BNIP2: variants seen among roughly 807,000 people sequenced by gnomAD.
BNIP2 encodes the protein BCL2/adenovirus E1B 19 kDa protein-interacting protein 2.
BNIP2 carries 36 observed loss-of-function variants against 43.4 expected under a neutral mutation model. That is an observed-to-expected ratio of 0.83 (90% CI 0.64 to 1.10). The LOEUF is 1.10. BNIP2 is among the 50% of genes least tolerant of loss of function. BNIP2 has a pLI of 0.00. For synonymous variants in BNIP2, 146 were observed against 121.0 expected, an observed-to-expected ratio of 1.21 and a Z score of -1.35; for missense variants, 417 against 374.1, an observed-to-expected ratio of 1.11 and a Z score of -0.95.
chr15:59,673,897 T>A (rs1476261749), intron 5 of BNIP2, among the ~76,000 whole-genome samples: 1 of 152,072 alleles, frequency 6.6e-6, no homozygotes, highest in Non-Finnish European at 1.5e-5. Context: ...GAGACCAGCC[T>A]GGCCAACATG....
intron 1 of BNIP2, 111 bp from the exon 2 acceptor site, chr15:59,682,625 G>A (rs1408657580): frequency 1.3e-6 from 1 of 777,876 alleles, no homozygotes; most frequent in Non-Finnish European, 1.9e-6. Flanking sequence ...ACAATGGTCT[G>A]GTCATGAAAT....
At chr15:59,668,786 A>G (rs1240321983) in intron 9 of BNIP2, 106 bp downstream of exon 9, 40 of 1,011,658 alleles carry the variant, frequency 4.0e-5, no homozygotes, top group Non-Finnish European at 5.4e-5. Context: ...GCGCGCGCGC[A>G]CAGTTATAAA....
intron 2 of BNIP2, 57 bp from the exon 3 acceptor site, chr15:59,680,365 A>C: frequency 7.6e-7 from 1 of 1,309,358 alleles, no homozygotes; most frequent in Non-Finnish European, 1.1e-6. Flanking sequence ...TTTTTTTTGA[A>C]GTTCAATCTA....
chr15:59,672,613 T>C (rs536151933), intron 6 of BNIP2, 24 bp downstream of exon 6: 20 of 1,475,080 alleles, frequency 1.4e-5, no homozygotes, highest in South Asian at 1.1e-4. Flanking sequence ...TCTGTCCAAA[T>C]GTTTTTGTTT....
At chr15:59,674,483 C>T (rs1017583827) in intron 5 of BNIP2, among the ~76,000 whole-genome samples, 3 of 152,170 alleles carry the variant, frequency 2.0e-5, no homozygotes, top group Non-Finnish European at 2.9e-5. Context: ...TAATGTATGT[C>T]TGTGGACTTC....
At chr15:59,676,223 T>G (rs1490817914) in intron 5 of BNIP2, among the ~76,000 whole-genome samples, 2 of 152,084 alleles carry the variant, frequency 1.3e-5, no homozygotes, top group African/African-American at 2.4e-5. Flanking sequence ...AAAACTAGAG[T>G]GCAGTGGGAT....
intron 1 of BNIP2, among the ~76,000 whole-genome samples, chr15:59,685,921 T>C (rs1893985368): frequency 1.3e-5 from 2 of 152,238 alleles, no homozygotes; most frequent in South Asian, 2.1e-4. Flanking sequence ...AAGTTAACTG[T>C]TGTTGCTTCC....
chr15:59,681,446 C>G (rs1310846768), intron 2 of BNIP2, among the ~76,000 whole-genome samples: 2 of 143,076 alleles, frequency 1.4e-5, no homozygotes, highest in African/African-American at 5.1e-5. Flanking sequence ...GGGGAACCCA[C>G]AAATTTTTTT....
chr15:59,689,051 C>A, intron 1 of BNIP2, 84 bp downstream of exon 1: 2 of 1,462,584 alleles, frequency 1.4e-6, no homozygotes. Context: ...GTCGTGGGCA[C>A]GCGCCCGACA....
At chr15:59,689,009 A>C (rs1336850755) in intron 1 of BNIP2, 126 bp downstream of exon 1, 2 of 1,443,686 alleles carry the variant, frequency 1.4e-6, no homozygotes, top group Non-Finnish European at 1.8e-6. Context: ...CCCCCTACCA[A>C]GGGTAACTCT....
chr15:59,682,371 T>C (rs1260630540), intron 2 of BNIP2, 37 bp downstream of exon 2: 11 of 1,551,148 alleles, frequency 7.1e-6, no homozygotes, highest in Non-Finnish European at 9.6e-6. Context: ...TTTGAACTTT[T>C]GCTCTAAAAT....
At chr15:59,667,308 T>C (rs967402997) in intron 9 of BNIP2, among the ~76,000 whole-genome samples, 26 of 152,330 alleles carry the variant, frequency 1.7e-4, no homozygotes, top group African/African-American at 5.8e-4. Context: ...TACATATAAA[T>C]CTCTCACCGT....
chr15:59,662,385 C>A lies in BNIP2; in HGVS notation c.*1684G>T, dbSNP rs184740343. The A allele has an allele frequency of 1.2e-3, 187 of 152,298 alleles. 1 individual carries two copies. The highest frequency in any genetic ancestry group is 3.7e-3 in the African/African-American group (155 of 41,570). The allele number at this position is 152,298 out of a possible 1,614,324, so 9.4% of individuals were successfully genotyped here. On this transcript the variant is annotated 3_prime_UTR_variant, in exon 10 of 10. Coordinates refer to ENST00000607373, the MANE Select transcript of BNIP2 (RefSeq NM_004330.4). ...TCCTAAAATGTGAGCAAGCAATAATCGTTTTGGCTCAATTCACTGTAATGA... is the reference window on the plus strand; with the variant it reads ...TCCTAAAATGTGAGCAAGCAATAATAGTTTTGGCTCAATTCACTGTAATGA...
intron 1 of BNIP2, among the ~76,000 whole-genome samples, chr15:59,684,518 C>T (rs944481324): frequency 2.5e-4 from 38 of 152,180 alleles, no homozygotes; most frequent in Admixed American, 6.5e-5. Context: ...TTACAATCAA[C>T]AAGCCCAAAT....
intron 1 of BNIP2, among the ~76,000 whole-genome samples, chr15:59,687,823 A>G (rs1277909686): frequency 2.0e-5 from 3 of 152,208 alleles, no homozygotes; most frequent in Non-Finnish European, 4.4e-5. Flanking sequence ...TGTTCCAACC[A>G]GCAACTTTGG....
intron 1 of BNIP2, among the ~76,000 whole-genome samples, chr15:59,686,228 T>C (rs1328288485): frequency 6.6e-6 from 1 of 152,198 alleles, no homozygotes; most frequent in Non-Finnish European, 1.5e-5. Flanking sequence ...CCAGGCAGTT[T>C]AGCAACATAA....
chr15:59,664,221 CA>C (rs1158534806), intron 9 of BNIP2, 101 bp from the exon 10 acceptor site: 4 of 659,678 alleles, frequency 6.1e-6, no homozygotes, highest in Non-Finnish European at 9.4e-6. Flanking sequence ...CTGTTAAAGA[CA>C]AAGCTTTGCA....
chr15:59,679,501 A>C (rs1443198058), intron 4 of BNIP2, 91 bp downstream of exon 4: 1 of 1,356,680 alleles, frequency 7.4e-7, no homozygotes, highest in African/African-American at 1.5e-5. Context: ...TCTTAGTAAC[A>C]AATATATGAA....
At chr15:59,671,881 A>G (rs1257529432) in intron 6 of BNIP2, among the ~76,000 whole-genome samples, 1 of 152,120 alleles carries the variant, frequency 6.6e-6, no homozygotes, top group East Asian at 1.9e-4. Flanking sequence ...TTTGAGACCA[A>G]CCCTGGCAAC....
Sources: allele counts gnomAD v4.1 joint callset (sites outside exome capture counted in the v4.1 genomes callset), GRCh38; gene constraint gnomAD v4.1.1; transcripts MANE v1.5; gene names NCBI Gene and HGNC (gene_info 2026-07-23, HGNC 2026-07-21).